The following IL4R variants were observed in gnomAD, a reference collection of about 807,000 sequenced individuals.
IL4R encodes the protein interleukin-4 receptor subunit alpha.
Under a neutral mutation model 41.5 loss-of-function variants are expected in IL4R, and 17 were observed. The observed-to-expected ratio is 0.41, with a 90% CI of 0.28 to 0.61. The LOEUF is 0.61. Among genes scored for constraint, IL4R ranks in the 20% least tolerant of loss-of-function variants. The pLI, the probability that IL4R is intolerant of heterozygous loss-of-function variation, is 0.31. For synonymous variants in IL4R, 402 were observed against 422.9 expected, an observed-to-expected ratio of 0.95 and a Z score of 0.61; for missense variants, 974 against 1,043.1, an observed-to-expected ratio of 0.93 and a Z score of 0.91.
At chr16:27,337,096 A>G (rs887137605) in intron 2 of IL4R, among the ~76,000 whole-genome samples, 2 of 151,334 alleles carry the variant, frequency 1.3e-5, no homozygotes, top group African/African-American at 4.9e-5. Flanking sequence ...AAAATGAAAT[A>G]AAATAAAATA....
rs761999006 is a variant in IL4R, at chr16:27,360,971, T to C, written c.899+156T>C. 1.1e-5 allele frequency: 16 copies of C among 1,511,826 alleles called. No homozygotes were observed. In the East Asian group the frequency reaches 3.6e-4, roughly 34 times the overall value. The allele number at this position is 1,511,826 out of a possible 1,614,324, so 93.7% of individuals were successfully genotyped here. A position where few individuals can be genotyped will look rare whatever the true frequency, so the allele number is the denominator to read the frequency against. ...AGGGACGGCAGGAGGAGGGGTGTTC[T>C]GGAAACGTGGACTGCTGGCCAAGCC... is the stretch of plus-strand genomic sequence containing the variant. On this transcript the variant is annotated intron_variant, in intron 10 of 10. Coordinates refer to ENST00000395762, the MANE Select transcript of IL4R (RefSeq NM_000418.4).
intron 7 of IL4R, chr16:27,354,978 GA>G: frequency 2.2e-6 from 1 of 463,320 alleles, no homozygotes; most frequent in Non-Finnish European, 4.5e-6. Context: ...TAGCTTGTAT[GA>G]AACAGATAAC....
In IL4R at chr16:27,362,551, A is replaced by T. The variant is rs1805011; in HGVS notation, c.1199A>T (p.Glu400Val). Residue 400 changes from glutamate to valine, a missense_variant, in exon 11 of 11, where the codon GAG becomes GTG. Coordinates refer to ENST00000395762, the MANE Select transcript of IL4R (RefSeq NM_000418.4). ...AGGGATGACTTCCAGGAGGGAAGGG[A>T]GGGCATTGTGGCCCGGCTAACAGAG... is the stretch of plus-strand genomic sequence containing the variant. ...SSRDDFQEGREGIVARLTESL... is the reference protein window; with the variant it reads ...SSRDDFQEGRVGIVARLTESL... 32 of 1,613,956 alleles carry T rather than the reference A, an allele frequency of 2.0e-5. No individual in the cohort carries two copies. In the South Asian group the frequency reaches 2.6e-4, roughly 13 times the overall value.
intron 6 of IL4R, among the ~76,000 whole-genome samples, chr16:27,350,267 G>A (rs1490114762): frequency 2.0e-5 from 3 of 151,978 alleles, no homozygotes; most frequent in East Asian, 1.9e-4. Context: ...AGATTTCTTC[G>A]GTAACTTACA....
chr16:27,317,357 C>T (rs1323762764), intron 1 of IL4R, among the ~76,000 whole-genome samples: 2 of 152,150 alleles, frequency 1.3e-5, no homozygotes, highest in Non-Finnish European at 2.9e-5. Context: ...TACTTTTCTT[C>T]CCATGTATTC....
intron 7 of IL4R, among the ~76,000 whole-genome samples, chr16:27,354,615 G>A (rs557987580): frequency 7.2e-5 from 11 of 152,340 alleles, no homozygotes; most frequent in African/African-American, 2.6e-4. Context: ...GGGTGGGCAT[G>A]GCTCCCTGAC....
At chr16:27,348,397 A>C (rs2085739205) in intron 6 of IL4R, among the ~76,000 whole-genome samples, 1 of 152,168 alleles carries the variant, frequency 6.6e-6, no homozygotes, top group East Asian at 1.9e-4. Context: ...GAAAGGTACC[A>C]CCTTCAGAGT....
chr16:27,349,600 ATG>A (rs973279006), intron 6 of IL4R, among the ~76,000 whole-genome samples: 2 of 152,216 alleles, frequency 1.3e-5, no homozygotes, highest in Admixed American at 6.5e-5. Flanking sequence ...ATGTGGGAAT[ATG>A]TGTAGCGATA....
In IL4R at chr16:27,321,831, T is replaced by C. The variant is rs370672351; in HGVS notation, c.-152+7811T>C. On this transcript the variant is annotated intron_variant, in intron 1 of 10. Transcript: ENST00000395762. ...TTTAAGACTTATTTAATTATATGCT[T>C]TTTAAATTTTTGAGACAGATAGAAT... Among the ~76,000 whole-genome samples, 6 of 152,338 alleles carry C rather than the reference T, an allele frequency of 3.9e-5. No individual in the cohort carries two copies. In the South Asian group the frequency reaches 1.2e-3, roughly 32 times the overall value.
upstream of IL4R, chr16:27,313,782 C>G (rs1319968845): frequency 2.9e-6 from 1 of 349,912 alleles, no homozygotes; most frequent in East Asian, 1.7e-4. Flanking sequence ...TCGGACTGTC[C>G]GGCGGCGGCG....
chr16:27,357,955 G>A (rs1263696582), intron 8 of IL4R, among the ~76,000 whole-genome samples: 4 of 150,032 alleles, frequency 2.7e-5, no homozygotes, highest in African/African-American at 9.9e-5. Context: ...GTGCAGTGGC[G>A]CGATCTCAGC....
chr16:27,324,105 G>T (rs2084890149), intron 1 of IL4R, among the ~76,000 whole-genome samples: 1 of 152,182 alleles, frequency 6.6e-6, no homozygotes, highest in Non-Finnish European at 1.5e-5. Flanking sequence ...GGGACACGTG[G>T]CCAGTCACAG....
chr16:27,325,395 A>G (rs1266918543), intron 1 of IL4R, among the ~76,000 whole-genome samples: 1 of 152,058 alleles, frequency 6.6e-6, no homozygotes, highest in Non-Finnish European at 1.5e-5. Context: ...AACATGGCAA[A>G]ACCCTGTGTC....
intron 1 of IL4R, among the ~76,000 whole-genome samples, chr16:27,326,503 C>T (rs1331380765): frequency 6.6e-6 from 1 of 152,028 alleles, no homozygotes; most frequent in Non-Finnish European, 1.5e-5. Context: ...CCCATCTCTA[C>T]AAAAATTTAA....
At chr16:27,360,564 C>T (rs920782081) in intron 9 of IL4R, among the ~76,000 whole-genome samples, 3 of 152,218 alleles carry the variant, frequency 2.0e-5, no homozygotes, top group Non-Finnish European at 4.4e-5. Flanking sequence ...TCTGTGGCCA[C>T]TTTTGCCATC....
rs911280773 is a variant in IL4R, at chr16:27,329,144, C to G, written c.-151-922C>G. Among the ~76,000 whole-genome samples the G allele has an allele frequency of 7.9e-5, 12 of 152,020 alleles. 1 individual carries two copies. The highest frequency in any genetic ancestry group is 1.8e-4 in the Non-Finnish European group (12 of 67,932). On this transcript the variant is annotated intron_variant, in intron 1 of 10. Coordinates refer to ENST00000395762, the MANE Select transcript of IL4R (RefSeq NM_000418.4). ...TAGAAGTGTGCGGCACCTCCCTCCTCTCTCTTGCCCTGGCTGTCACCATGT... is the reference window on the plus strand; with the variant it reads ...TAGAAGTGTGCGGCACCTCCCTCCTGTCTCTTGCCCTGGCTGTCACCATGT...
At chr16:27,348,262 T>G (rs997301565) in intron 6 of IL4R, among the ~76,000 whole-genome samples, 1 of 151,604 alleles carries the variant, frequency 6.6e-6, no homozygotes, top group African/African-American at 2.4e-5. Flanking sequence ...GCGGGGGGCA[T>G]GGGGGGAAGG....
At chr16:27,314,227 C>T (rs917868508) in intron 1 of IL4R, 3 of 583,412 alleles carry the variant, frequency 5.1e-6, no homozygotes, top group Non-Finnish European at 6.5e-6. Context: ...GGCGCGAGGC[C>T]CGGGGTACGT....
chr16:27,361,031 A>G, intron 10 of IL4R: 2 of 1,438,270 alleles, frequency 1.4e-6, no homozygotes, highest in Non-Finnish European at 1.8e-6. Flanking sequence ...GTACATGGTG[A>G]TACCCCTTGG....
Sources: gnomAD v4.1 joint callset for allele counts (sites outside exome capture counted in the v4.1 genomes callset) on GRCh38, gnomAD v4.1.1 for gene constraint, MANE v1.5 for transcripts, NCBI Gene and HGNC (gene_info 2026-07-23, HGNC 2026-07-21) for gene names.